The following GRIA1 variants were observed in gnomAD, a reference collection of about 807,000 sequenced individuals.
GRIA1 encodes glutamate receptor 1.
Under a neutral mutation model 99.2 loss-of-function variants are expected in GRIA1, and 31 were observed. The observed-to-expected ratio is 0.31, with a 90% CI of 0.23 to 0.42. GRIA1 has a LOEUF of 0.42. GRIA1 is among the 10% of genes least tolerant of loss of function. GRIA1 has a pLI of 1.00. For synonymous variants in GRIA1, 438 were observed against 432.4 expected (o/e 1.01, Z -0.16); for missense variants, 782 against 1,157.5 (o/e 0.68, Z 4.71).
chr5:153,686,449 C>T, intron 8 of GRIA1, 120 bp downstream of exon 8: 1 of 664,660 alleles, frequency 1.5e-6, no homozygotes, highest in Non-Finnish European at 2.6e-6. Flanking sequence ...ACTCAGACAA[C>T]ACAGATTCTA....
At chr5:153,654,891 T>C (rs1465874812) in intron 4 of GRIA1, among the ~76,000 whole-genome samples, 1 of 152,186 alleles carries the variant, frequency 6.6e-6, no homozygotes, top group African/African-American at 2.4e-5. Context: ...AGGTCTGTAG[T>C]CTTAACCATT....
chr5:153,655,689 G>T, intron 4 of GRIA1, 130 bp from the exon 5 acceptor site: 1 of 716,044 alleles, frequency 1.4e-6, no homozygotes, highest in East Asian at 2.6e-5. Flanking sequence ...GGATGGTTGG[G>T]ATATTGTAGT....
intron 2 of GRIA1, among the ~76,000 whole-genome samples, chr5:153,497,873 A>C (rs1360460624): frequency 6.6e-6 from 1 of 152,206 alleles, no homozygotes; most frequent in Non-Finnish European, 1.5e-5. Context: ...GTAAAGAGAA[A>C]ATTAAAATGT....
rs150937761 is a variant in GRIA1, at chr5:153,609,237, A to G, written c.221-37691A>G. On this transcript the variant is annotated intron_variant, in intron 2 of 15. Coordinates refer to ENST00000285900, the MANE Select transcript of GRIA1 (RefSeq NM_000827.4). The stretch of plus-strand genomic sequence containing the variant: ...AAAGGTTACCTCCCGGGCTTCCTCC[A>G]TCCTTAGATCCCAGCCCTGCTATTC... Among the ~76,000 whole-genome samples, 7 of 152,272 alleles carry G rather than the reference A, an allele frequency of 4.6e-5. No individual in the cohort carries two copies. The East Asian group carries it at 9.7e-4, about 21-fold the overall frequency.
chr5:153,797,236 G>A (rs1765706100), intron 14 of GRIA1, among the ~76,000 whole-genome samples: 1 of 152,218 alleles, frequency 6.6e-6, no homozygotes, highest in South Asian at 2.1e-4. Context: ...ACAGCCTGGA[G>A]AGAACCAGTG....
chr5:153,530,162 T>C (rs2113425546), intron 2 of GRIA1, among the ~76,000 whole-genome samples: 1 of 152,344 alleles, frequency 6.6e-6, no homozygotes, highest in South Asian at 2.1e-4. Context: ...ACTATCATTA[T>C]ACCCATCCCA....
At chr5:153,764,984 C>T (rs1187028033) in intron 12 of GRIA1, among the ~76,000 whole-genome samples, 3 of 152,102 alleles carry the variant, frequency 2.0e-5, no homozygotes, top group Non-Finnish European at 2.9e-5. Context: ...TTACGGACAA[C>T]AGCTGGACCT....
At chr5:153,532,602 A>T (rs995428971) in intron 2 of GRIA1, among the ~76,000 whole-genome samples, 31 of 152,270 alleles carry the variant, frequency 2.0e-4, no homozygotes, top group Non-Finnish European at 4.4e-4. Context: ...AACATTGAGG[A>T]TGTCATGTAT....
At position 153,629,860 on chromosome 5, in the gene GRIA1, T is replaced by C. The variant is rs115988362; in HGVS notation, c.221-17068T>C. On this transcript the variant is annotated intron_variant, in intron 2 of 15. Transcript: ENST00000285900. The stretch of plus-strand genomic sequence containing the variant: ...AAGTGTGTCTTTCATCGCATTGGAA[T>C]GACCCTCTTAGAGGCAAGGGTCTTG... 5.6e-3 allele frequency among the ~76,000 whole-genome samples: 853 copies of C among 152,352 alleles called. 5 individuals are homozygous for C. Among genetic ancestry groups the C allele is most frequent in the Non-Finnish European group, 9.0e-3 (615 of 68,028 alleles).
intron 2 of GRIA1, among the ~76,000 whole-genome samples, chr5:153,560,997 T>G (rs562304621): frequency 6.6e-6 from 1 of 152,158 alleles, no homozygotes; most frequent in East Asian, 1.9e-4. Flanking sequence ...TTTTTTAGGT[T>G]GATTCCTGTA....
chr5:153,679,814 G>A (rs1756847730), intron 7 of GRIA1, among the ~76,000 whole-genome samples: 1 of 152,206 alleles, frequency 6.6e-6, no homozygotes, highest in Non-Finnish European at 1.5e-5. Context: ...TTAGACCTGG[G>A]TTGTCTATAA....
chr5:153,772,192 G>A (rs1451331638), intron 13 of GRIA1, among the ~76,000 whole-genome samples: 1 of 151,624 alleles, frequency 6.6e-6, no homozygotes, highest in East Asian at 1.9e-4. Flanking sequence ...AAAGCACCCA[G>A]ATATAAAAAG....
intron 2 of GRIA1, among the ~76,000 whole-genome samples, chr5:153,601,375 C>T (rs1764943309): frequency 6.6e-6 from 1 of 152,212 alleles, no homozygotes; most frequent in African/African-American, 2.4e-5. Flanking sequence ...AGCCCACATA[C>T]TTCACAAAGA....
At chr5:153,782,848 T>C (rs1021739568) in intron 13 of GRIA1, among the ~76,000 whole-genome samples, 38 of 152,166 alleles carry the variant, frequency 2.5e-4, no homozygotes, top group African/African-American at 9.2e-4. Context: ...GGGTGATTCA[T>C]GCATTCTTTT....
chr5:153,678,059 A>G (rs1390659959), intron 7 of GRIA1, among the ~76,000 whole-genome samples: 1 of 152,232 alleles, frequency 6.6e-6, no homozygotes, highest in Non-Finnish European at 1.5e-5. Context: ...ATGACAAACC[A>G]GCACAGCAAG....
At chr5:153,680,892 C>T (rs1454668925) in intron 7 of GRIA1, among the ~76,000 whole-genome samples, 1 of 152,202 alleles carries the variant, frequency 6.6e-6, no homozygotes, top group Non-Finnish European at 1.5e-5. Flanking sequence ...CAAAATCTAT[C>T]ATCCAAACGG....
chr5:153,660,121 T>C (rs1369890228), intron 5 of GRIA1, among the ~76,000 whole-genome samples: 2 of 152,120 alleles, frequency 1.3e-5, no homozygotes, highest in African/African-American at 4.8e-5. Context: ...GGAACCTAAT[T>C]AATGGAGTTT....
chr5:153,768,566 C>G (rs1763671374), intron 12 of GRIA1, among the ~76,000 whole-genome samples: 1 of 152,084 alleles, frequency 6.6e-6, no homozygotes, highest in Non-Finnish European at 1.5e-5. Flanking sequence ...GCAACTATTT[C>G]CATTACTTTT....
At chr5:153,749,147 C>T (rs993024257) in intron 11 of GRIA1, among the ~76,000 whole-genome samples, 5 of 152,074 alleles carry the variant, frequency 3.3e-5, no homozygotes, top group African/African-American at 1.2e-4. Context: ...AGAGTGGGGC[C>T]TAGGAGCAAA....
Sources: allele counts gnomAD v4.1 joint callset (sites outside exome capture counted in the v4.1 genomes callset), GRCh38; gene constraint gnomAD v4.1.1; transcripts MANE v1.5; gene names NCBI Gene and HGNC (gene_info 2026-07-23, HGNC 2026-07-21).